The following GPC6 variants were observed in gnomAD, a reference collection of about 807,000 sequenced individuals.
GPC6 encodes the protein glypican-6.
GPC6 carries 14 observed loss-of-function variants against 55.2 expected under a neutral mutation model. The ratio of observed to expected loss-of-function variants is 0.25; its 90% confidence interval spans 0.17 to 0.40. The LOEUF (loss-of-function observed/expected upper bound fraction) is 0.40. Among genes scored for constraint, GPC6 ranks in the 10% least tolerant of loss-of-function variants. The pLI is 1.00. For synonymous variants in GPC6, 278 were observed against 259.6 expected, an observed-to-expected ratio of 1.07 and a Z score of -0.68; for missense variants, 641 against 708.5, an observed-to-expected ratio of 0.90 and a Z score of 1.08.
chr13:94,294,302 A>G (rs1400053361), intron 5 of GPC6, among the ~76,000 whole-genome samples: 2 of 152,156 alleles, frequency 1.3e-5, no homozygotes, highest in African/African-American at 2.4e-5. Context: ...GACTTATTAC[A>G]TTCCAATTGA....
At chr13:94,090,548 T>C (rs867285222) in intron 4 of GPC6, among the ~76,000 whole-genome samples, 5 of 152,188 alleles carry the variant, frequency 3.3e-5, no homozygotes, top group Non-Finnish European at 7.3e-5. Flanking sequence ...CTGTCACTGC[T>C]GTGAGTGGGG....
chr13:93,909,279 A>T (rs9524277), intron 3 of GPC6, among the ~76,000 whole-genome samples: 1 of 152,086 alleles, frequency 6.6e-6, no homozygotes, highest in African/African-American at 2.4e-5. Context: ...AACATAAATT[A>T]TAATATTGAT....
At chr13:93,326,965 T>C (rs778665716) in intron 1 of GPC6, among the ~76,000 whole-genome samples, 4 of 152,186 alleles carry the variant, frequency 2.6e-5, no homozygotes, top group African/African-American at 7.2e-5. Flanking sequence ...GTAGGTGTTA[T>C]TGGTTTTCAC....
At chr13:94,361,324 G>C (rs1410436113) in intron 6 of GPC6, among the ~76,000 whole-genome samples, 1 of 152,204 alleles carries the variant, frequency 6.6e-6, no homozygotes, top group Non-Finnish European at 1.5e-5. Context: ...GTGTTTAGAA[G>C]TACCTGACAC....
intron 4 of GPC6, among the ~76,000 whole-genome samples, chr13:94,031,798 A>G (rs1338901659): frequency 6.6e-6 from 1 of 152,244 alleles, no homozygotes; most frequent in Non-Finnish European, 1.5e-5. Context: ...TCAACGCTCC[A>G]TAGATAAGAA....
At chr13:93,551,941 C>T (rs2139443073) in intron 2 of GPC6, among the ~76,000 whole-genome samples, 1 of 152,232 alleles carries the variant, frequency 6.6e-6, no homozygotes, top group Admixed American at 6.5e-5. Context: ...ATACACCCCT[C>T]TATGATGTTA....
intron 5 of GPC6, among the ~76,000 whole-genome samples, chr13:94,288,762 A>AAT (rs1256698850): frequency 1.2e-4 from 15 of 122,508 alleles, no homozygotes; most frequent in South Asian, 2.4e-4. Flanking sequence ...ATATATAATA[A>AAT]ATATATATAT....
intron 2 of GPC6, among the ~76,000 whole-genome samples, chr13:93,696,646 C>T (rs564177106): frequency 2.0e-5 from 3 of 148,958 alleles, no homozygotes; most frequent in African/African-American, 4.9e-5. Flanking sequence ...CAGAGTCTCC[C>T]TCTTTTGCTC....
At chr13:94,247,025 A>G (rs1891218302) in intron 4 of GPC6, among the ~76,000 whole-genome samples, 3 of 151,992 alleles carry the variant, frequency 2.0e-5, no homozygotes, top group Admixed American at 6.6e-5. Context: ...GTCCTCTTCA[A>G]TTTCTTTCAT....
chr13:93,882,840 C>T (rs1255318470), intron 3 of GPC6, among the ~76,000 whole-genome samples: 1 of 152,076 alleles, frequency 6.6e-6, no homozygotes, highest in Non-Finnish European at 1.5e-5. Context: ...TTACCATAAA[C>T]CTCATGGAGG....
intron 4 of GPC6, among the ~76,000 whole-genome samples, chr13:94,203,802 A>G (rs957753958): frequency 2.0e-5 from 3 of 152,116 alleles, no homozygotes; most frequent in Admixed American, 6.5e-5. Context: ...TGGGAATTCT[A>G]TCAAATACAT....
rs1162720124 is a variant in GPC6 at position 93,960,801 on chromosome 13, ATTTTTTTTTTTTTCTT to A, written c.712-66914_712-66899del. On this transcript the variant is annotated intron_variant, in intron 3 of 8. Transcript: ENST00000377047. ...AAAATATAACCAGTTTATTGCTGGA[ATTTTTTTTTTTTTCTT>A]TTTTTTTTTTTTTGAGACAGAGTCT... Among the ~76,000 whole-genome samples, 4 of 124,546 alleles carry A rather than the reference ATTTTTTTTTTTTTCTT, an allele frequency of 3.2e-5. No individual in the cohort carries two copies. In the East Asian group the frequency reaches 1.1e-3, roughly 33 times the overall value. The allele number at this position is 124,546 out of a possible 152,430, so 81.7% of individuals were successfully genotyped here. A position where few individuals can be genotyped will look rare whatever the true frequency, so the allele number is the denominator to read the frequency against.
At chr13:93,746,219 A>C (rs900448925) in intron 2 of GPC6, among the ~76,000 whole-genome samples, 11 of 152,230 alleles carry the variant, frequency 7.2e-5, no homozygotes, top group Non-Finnish European at 1.5e-4. Context: ...TCATAATTGT[A>C]GGTGTCACAA....
intron 2 of GPC6, among the ~76,000 whole-genome samples, chr13:93,693,418 C>CAT (rs1165715002): frequency 4.4e-4 from 65 of 147,702 alleles, no homozygotes; most frequent in South Asian, 3.0e-3. Flanking sequence ...ATGTGTCATT[C>CAT]ATATATATAT....
intron 2 of GPC6, among the ~76,000 whole-genome samples, chr13:93,829,324 C>T (rs1887394414): frequency 6.6e-6 from 1 of 152,168 alleles, no homozygotes; most frequent in African/African-American, 2.4e-5. Flanking sequence ...GCCAGTGAGG[C>T]TAATGATACC....
intron 4 of GPC6, among the ~76,000 whole-genome samples, chr13:94,104,233 A>G (rs1167410648): frequency 6.6e-6 from 1 of 152,102 alleles, no homozygotes; most frequent in African/African-American, 2.4e-5. Context: ...GTTCTGTTCC[A>G]TTGGTCTATA....
chr13:93,584,185 G>C (rs1877078493), intron 2 of GPC6, among the ~76,000 whole-genome samples: 1 of 152,162 alleles, frequency 6.6e-6, no homozygotes, highest in Admixed American at 6.5e-5. Flanking sequence ...TGAGATAACA[G>C]CATCGAAGAA....
At chr13:94,313,606 T>G (rs1284358001) in intron 6 of GPC6, among the ~76,000 whole-genome samples, 1 of 152,190 alleles carries the variant, frequency 6.6e-6, no homozygotes, top group Non-Finnish European at 1.5e-5. Context: ...CATCACTGCT[T>G]TAAGACATGT....
chr13:93,519,464 A>G (rs1218034733), intron 1 of GPC6, among the ~76,000 whole-genome samples: 1 of 151,996 alleles, frequency 6.6e-6, no homozygotes, highest in Non-Finnish European at 1.5e-5. Flanking sequence ...ACTAAACAAA[A>G]TCTGATCTTC....
Sources: allele counts gnomAD v4.1 joint callset (sites outside exome capture counted in the v4.1 genomes callset), GRCh38; gene constraint gnomAD v4.1.1; transcripts MANE v1.5; gene names NCBI Gene and HGNC (gene_info 2026-07-23, HGNC 2026-07-21).